PCDHGB4: variants seen among roughly 807,000 people sequenced by gnomAD.
PCDHGB4 encodes protocadherin gamma-B4.
In PCDHGB4, 38 loss-of-function variants were observed where a neutral mutation model predicts 60.5. The observed-to-expected ratio is 0.63, with a 90% CI of 0.48 to 0.82. PCDHGB4 has a LOEUF of 0.82. Among genes scored for constraint, PCDHGB4 ranks in the 40% least tolerant of loss-of-function variants. The pLI is 0.00. For synonymous variants in PCDHGB4, 456 were observed against 509.7 expected, an observed-to-expected ratio of 0.89 and a Z score of 1.42; for missense variants, 1,109 against 1,209.6, an observed-to-expected ratio of 0.92 and a Z score of 1.23.
Position 141,491,048 on chromosome 5 carries a change from C to T in PCDHGB4, c.2398-3759C>T, listed in dbSNP as rs755163825. The T allele has an allele frequency of 7.4e-6, 12 of 1,613,948 alleles. No individual in the cohort carries two copies. Among genetic ancestry groups the T allele is most frequent in the South Asian group, 4.4e-5 (4 of 91,090 alleles). ...GTGGATGCTGATGCAGGCCACAATG[C>T]GTGGCTCTCCTACTCACTGTTGCCA... On this transcript the variant is annotated intron_variant, in intron 1 of 3. Coordinates refer to ENST00000519479, the MANE Select transcript of PCDHGB4 (RefSeq NM_003736.4). The surrounding 1 kb of genome is among the most constrained non-coding windows in gnomAD (Gnocchi z 6.9).
chr5:141,426,722 T>G (rs1022367359), intron 1 of PCDHGB4: 1 of 447,734 alleles, frequency 2.2e-6, no homozygotes, highest in Non-Finnish European at 4.6e-6. Context: ...AACTAGCAAT[T>G]CCAGGCATTC....
At chr5:141,503,517 T>C (rs6878542) in intron 2 of PCDHGB4, among the ~76,000 whole-genome samples, 77,350 of 150,132 alleles carry the variant, frequency 0.52, 20,504 homozygotes, top group African/African-American at 0.63. Flanking sequence ...GAGAATCACT[T>C]GAACCTGGGA....
Position 141,489,465 on chromosome 5 carries a change from T to C in PCDHGB4, c.2398-5342T>C. On this transcript the variant is annotated intron_variant, in intron 1 of 3. Transcript: ENST00000519479. The surrounding 1 kb of genome is among the most constrained non-coding windows in gnomAD (Gnocchi z 4.5). The stretch of plus-strand genomic sequence containing the variant: ...GCTCTGAGGAGAATGGGCGCTATTT[T>C]TCCCTGAGCTTGATGAGTGGTGCCC... The C allele has an allele frequency of 1.2e-6, 2 of 1,614,082 alleles. No homozygotes were observed. The highest frequency in any genetic ancestry group is 1.3e-5 in the African/African-American group (1 of 75,042).
intron 1 of PCDHGB4, among the ~76,000 whole-genome samples, chr5:141,446,022 T>C (rs2098484874): frequency 1.3e-5 from 2 of 152,198 alleles, no homozygotes; most frequent in Admixed American, 1.3e-4. Flanking sequence ...TATGGCAATA[T>C]TCCTGGTAAG....
chr5:141,446,075 A>G (rs907731619), intron 1 of PCDHGB4, among the ~76,000 whole-genome samples: 1 of 152,216 alleles, frequency 6.6e-6, no homozygotes, highest in Admixed American at 6.5e-5. Context: ...GAGGCAGTGG[A>G]TGTAGAAATA....
At chr5:141,420,403 G>T in intron 1 of PCDHGB4, 3 of 1,246,014 alleles carry the variant, frequency 2.4e-6, no homozygotes, top group East Asian at 2.8e-5. Context: ...TCAAATTTAT[G>T]GTTATCATTA....
Position 141,431,645 on chromosome 5 carries a change from T to C in PCDHGB4, c.2397+41364T>C. ...GGCGGCCCAAGTTTTCAAACTAGAT[T>C]GTAATTCAGGGACAATATCAACAAT... is the stretch of plus-strand genomic sequence containing the variant. On this transcript the variant is annotated intron_variant, in intron 1 of 3. Coordinates refer to ENST00000519479, the MANE Select transcript of PCDHGB4 (RefSeq NM_003736.4). This position sits in a 1 kb window ranked among gnomAD's most constrained non-coding sequence, Gnocchi z 4.8. 6.2e-7 allele frequency: 1 copy of C among 1,614,236 alleles called. No individual in the cohort carries two copies.
chr5:141,498,880 C>G (rs1334510457), intron 2 of PCDHGB4, among the ~76,000 whole-genome samples: 1 of 150,028 alleles, frequency 6.7e-6, no homozygotes, highest in African/African-American at 2.4e-5. Flanking sequence ...TTGCAGTGAG[C>G]TGAGATCACA....
intron 1 of PCDHGB4, chr5:141,420,166 A>G: frequency 1.2e-6 from 2 of 1,614,036 alleles, no homozygotes; most frequent in Non-Finnish European, 1.7e-6. Flanking sequence ...ATTTTTTCAC[A>G]TCTGTTGATC....
intron 1 of PCDHGB4, chr5:141,422,092 G>T: frequency 6.2e-7 from 1 of 1,611,520 alleles, no homozygotes; most frequent in Non-Finnish European, 8.5e-7. Context: ...GGAAAGCAAG[G>T]CTTCTGAAAT....
chr5:141,403,663 T>C (rs2094439679), intron 1 of PCDHGB4: 3 of 1,613,900 alleles, frequency 1.9e-6, no homozygotes, highest in African/African-American at 1.3e-5. Flanking sequence ...ATACAAATGA[T>C]AATGCCCCGG....
chr5:141,431,622 C>T lies in PCDHGB4; in HGVS notation c.2397+41341C>T, dbSNP rs761448407. 3 of 1,614,070 alleles carry T rather than the reference C, an allele frequency of 1.9e-6. No individual in the cohort carries two copies. The African/African-American group carries it at 4.0e-5, about 22-fold the overall frequency. ...TCCTTCCGGTATGTGGACGACAAGGCGGCCCAAGTTTTCAAACTAGATTGT... is the reference window on the plus strand; with the variant it reads ...TCCTTCCGGTATGTGGACGACAAGGTGGCCCAAGTTTTCAAACTAGATTGT... On this transcript the variant is annotated intron_variant, in intron 1 of 3. Transcript: ENST00000519479. The surrounding 1 kb of genome is among the most constrained non-coding windows in gnomAD (Gnocchi z 4.8).
intron 1 of PCDHGB4, chr5:141,413,290 A>T: frequency 6.2e-7 from 1 of 1,613,924 alleles, no homozygotes; most frequent in Non-Finnish European, 8.5e-7. Context: ...CTCCTACTCA[A>T]TTCCTGAGGA....
intron 1 of PCDHGB4, among the ~76,000 whole-genome samples, chr5:141,438,517 T>G (rs975190211): frequency 6.7e-6 from 1 of 148,384 alleles, no homozygotes; most frequent in Non-Finnish European, 1.5e-5. Context: ...AAACCAATTA[T>G]TTTACATGGA....
chr5:141,396,804 G>A lies in PCDHGB4; in HGVS notation c.2397+6523G>A, dbSNP rs189942396. On this transcript the variant is annotated intron_variant, in intron 1 of 3. Coordinates refer to ENST00000519479, the MANE Select transcript of PCDHGB4 (RefSeq NM_003736.4). ...AAGGACATTTCCTAAGGATTGTGTA[G>A]TGTTCTACTGTATGGTGCATATTCA... Among the ~76,000 whole-genome samples the A allele has an allele frequency of 2.8e-4, 42 of 152,300 alleles. 1 individual carries two copies. The highest frequency in any genetic ancestry group is 9.6e-4 in the African/African-American group (40 of 41,552).
chr5:141,419,013 G>A, intron 1 of PCDHGB4: 2 of 1,613,958 alleles, frequency 1.2e-6, no homozygotes, highest in South Asian at 2.2e-5. Flanking sequence ...GTCAGGTGTA[G>A]CTTAAGTAGA....
chr5:141,493,206 C>A lies in PCDHGB4; in HGVS notation c.2398-1601C>A, dbSNP rs191090598. Among the ~76,000 whole-genome samples the A allele has an allele frequency of 2.4e-3, 368 of 152,322 alleles. 2 individuals carry two copies. Among genetic ancestry groups the A allele is most frequent in the Admixed American group, 4.5e-3 (69 of 15,296 alleles). On this transcript the variant is annotated intron_variant, in intron 1 of 3. Transcript: ENST00000519479. This position sits in a 1 kb window ranked among gnomAD's most constrained non-coding sequence, Gnocchi z 4.3. ...TATAACTCCTTTGAGAACCTCATCT[C>A]ATTTGCTCTTCCCACCATTGCTGTT...
At chr5:141,459,300 A>G (rs954766370) in intron 1 of PCDHGB4, among the ~76,000 whole-genome samples, 2 of 152,202 alleles carry the variant, frequency 1.3e-5, no homozygotes, top group Non-Finnish European at 2.9e-5. Context: ...ATCCTATAAC[A>G]TATACTATTT....
At chr5:141,435,925 A>G (rs978837252) in intron 1 of PCDHGB4, among the ~76,000 whole-genome samples, 16 of 152,166 alleles carry the variant, frequency 1.1e-4, no homozygotes, top group Non-Finnish European at 1.5e-5. Context: ...AAAATGCGGC[A>G]GTTGCTGCTT....
Sources: gnomAD v4.1 joint callset for allele counts (sites outside exome capture counted in the v4.1 genomes callset) on GRCh38, gnomAD v4.1.1 for gene constraint, Gnocchi (gnomAD v3.1) non-coding constraint, MANE v1.5 for transcripts, NCBI Gene and HGNC (gene_info 2026-07-23, HGNC 2026-07-21) for gene names.